IQCB1: variants seen among roughly 807,000 people sequenced by gnomAD.
IQCB1 encodes IQ motif containing B1.
A neutral mutation model predicts 84.4 loss-of-function variants in IQCB1; 56 were observed. The ratio of observed to expected loss-of-function variants is 0.66; its 90% CI spans 0.54 to 0.83. The LOEUF (loss-of-function observed/expected upper bound fraction) is 0.83, where lower values mean the gene tolerates loss of function less well. Among genes scored for constraint, IQCB1 ranks in the 40% least tolerant of loss-of-function variants. The pLI is 0.00. For synonymous variants in IQCB1, 210 were observed against 234.8 expected (o/e 0.89, Z 0.96); for missense variants, 629 against 682.1 (o/e 0.92, Z 0.87).
chr3:121,792,041 G>C (rs1171198797), intron 10 of IQCB1, among the ~76,000 whole-genome samples: 1 of 152,076 alleles, frequency 6.6e-6, no homozygotes, highest in Non-Finnish European at 1.5e-5. Context: ...AGCCAAGATC[G>C]TGCCACTGCA....
At chr3:121,803,877 G>C (rs548107563) in intron 7 of IQCB1, among the ~76,000 whole-genome samples, 2 of 152,182 alleles carry the variant, frequency 1.3e-5, no homozygotes, top group Admixed American at 1.3e-4. Context: ...TAGTAGGCTT[G>C]TACTTTTTAA....
intron 5 of IQCB1, among the ~76,000 whole-genome samples, chr3:121,819,868 G>C (rs1950213907): frequency 6.6e-6 from 1 of 151,948 alleles, no homozygotes; most frequent in South Asian, 2.1e-4. Flanking sequence ...TTTTATATTA[G>C]CATTTTTAGC....
At chr3:121,820,978 CCTTTTTTTT>C (rs1250357175) in intron 5 of IQCB1, among the ~76,000 whole-genome samples, 138 of 84,808 alleles carry the variant, frequency 1.6e-3, no homozygotes, top group South Asian at 6.3e-3. Context: ...TCTGTTTTTT[CCTTTTTTTT>C]CTTTTTTTCT....
chr3:121,796,976 G>A, intron 9 of IQCB1, 142 bp downstream of exon 9: 1 of 653,024 alleles, frequency 1.5e-6, no homozygotes, highest in Admixed American at 2.2e-5. Flanking sequence ...AACCTCCTGA[G>A]TAAAAAATTT....
chr3:121,825,697 C>T (rs757771258), intron 5 of IQCB1, among the ~76,000 whole-genome samples: 27 of 152,112 alleles, frequency 1.8e-4, no homozygotes, highest in Non-Finnish European at 3.2e-4. Context: ...CACCTTTATT[C>T]TTCACTACTG....
In IQCB1 at chr3:121,821,408, C is replaced by A. The variant is rs148647593; in HGVS notation, c.393+4643G>T. ...TGCCCTCATATTTCCAAATCTCATC[C>A]ATGCTTTAGAGATAGATAGACCAGG... is the stretch of plus-strand genomic sequence containing the variant. On this transcript the variant is annotated intron_variant, in intron 5 of 14. Coordinates refer to ENST00000310864, the MANE Select transcript of IQCB1 (RefSeq NM_001023570.4). Among the ~76,000 whole-genome samples the A allele has an allele frequency of 4.9e-3, 753 of 152,278 alleles. 7 individuals carry two copies. The highest frequency in any genetic ancestry group is 0.017 in the African/African-American group (700 of 41,556).
At chr3:121,782,754 C>T (rs1284493492) in intron 12 of IQCB1, among the ~76,000 whole-genome samples, 2 of 151,972 alleles carry the variant, frequency 1.3e-5, no homozygotes, top group Non-Finnish European at 2.9e-5. Context: ...TCCCAGCTCA[C>T]TGCAACCTCC....
intron 2 of IQCB1, among the ~76,000 whole-genome samples, chr3:121,831,921 T>G (rs1950655314): frequency 1.3e-5 from 2 of 152,252 alleles, no homozygotes; most frequent in South Asian, 4.1e-4. Context: ...AATGGCTGCA[T>G]TATGCTACAT....
chr3:121,813,786 A>G (rs1949934230), intron 5 of IQCB1, among the ~76,000 whole-genome samples: 1 of 152,208 alleles, frequency 6.6e-6, no homozygotes, highest in African/African-American at 2.4e-5. Flanking sequence ...ATTCTTAGAG[A>G]CCGACAAAGA....
At chr3:121,814,538 G>A (rs1182104305) in intron 5 of IQCB1, among the ~76,000 whole-genome samples, 2 of 152,050 alleles carry the variant, frequency 1.3e-5, no homozygotes, top group Non-Finnish European at 2.9e-5. Flanking sequence ...AAAAAGAAAG[G>A]CGAGAAGAAT....
rs760037652 is a variant in IQCB1, at chr3:121,826,222, T to C, written c.264-42A>G. 3.1e-6 allele frequency: 5 copies of C among 1,603,478 alleles called. No individual in the cohort carries two copies. The South Asian group carries it at 3.3e-5, about 11-fold the overall frequency. ...AGTTCGTGTTAATTAGAAGTTTATG[T>C]TGAATGCTCAAGCTTCTAGAGACAC... On this transcript the variant is annotated intron_variant, in intron 4 of 14. Coordinates refer to ENST00000310864, the MANE Select transcript of IQCB1 (RefSeq NM_001023570.4).
intron 5 of IQCB1, among the ~76,000 whole-genome samples, chr3:121,816,881 C>T (rs1249332257): frequency 6.6e-6 from 1 of 152,156 alleles, no homozygotes; most frequent in African/African-American, 2.4e-5. Context: ...ATCAGAAATA[C>T]CATTTGACCC....
intron 10 of IQCB1, among the ~76,000 whole-genome samples, chr3:121,790,604 A>C (rs1357083905): frequency 6.6e-6 from 1 of 152,206 alleles, no homozygotes; most frequent in African/African-American, 2.4e-5. Flanking sequence ...CGAGTTGGAT[A>C]AACAGATACT....
chr3:121,802,137 C>T (rs1442119426), intron 7 of IQCB1, among the ~76,000 whole-genome samples: 5 of 151,922 alleles, frequency 3.3e-5, no homozygotes, highest in Non-Finnish European at 7.4e-5. Context: ...CAGGATAATG[C>T]TGACCTTATA....
chr3:121,832,646 A>G (rs1011212845), intron 2 of IQCB1, among the ~76,000 whole-genome samples: 14 of 152,108 alleles, frequency 9.2e-5, no homozygotes, highest in African/African-American at 3.4e-4. Flanking sequence ...ATTTTTACAT[A>G]TGAAATATAA....
At chr3:121,811,163 T>C (rs907538850) in intron 5 of IQCB1, among the ~76,000 whole-genome samples, 1 of 152,034 alleles carries the variant, frequency 6.6e-6, no homozygotes, top group Non-Finnish European at 1.5e-5. Context: ...GGGCATTGCC[T>C]CACCTGGGAA....
At chr3:121,811,202 T>C (rs1457968208) in intron 5 of IQCB1, among the ~76,000 whole-genome samples, 2 of 151,972 alleles carry the variant, frequency 1.3e-5, no homozygotes, top group Non-Finnish European at 2.9e-5. Flanking sequence ...CTCCCTCCCC[T>C]AGCCAAGGGA....
intron 5 of IQCB1, among the ~76,000 whole-genome samples, chr3:121,811,436 A>AGG (rs973024929): frequency 2.0e-5 from 3 of 152,158 alleles, no homozygotes; most frequent in African/African-American, 7.2e-5. Flanking sequence ...TCCCCTGGAA[A>AGG]GGGGTCTGAA....
intron 5 of IQCB1, among the ~76,000 whole-genome samples, chr3:121,824,298 G>A (rs962518744): frequency 2.6e-5 from 4 of 152,132 alleles, no homozygotes; most frequent in African/African-American, 9.7e-5. Context: ...CCTGTACAGT[G>A]CTGATATGCT....
Sources: allele counts gnomAD v4.1 joint callset (sites outside exome capture counted in the v4.1 genomes callset), GRCh38; gene constraint gnomAD v4.1.1; transcripts MANE v1.5; gene names NCBI Gene and HGNC (gene_info 2026-07-23, HGNC 2026-07-21).